The following CSMD2 variants were observed in gnomAD, a reference collection of about 807,000 sequenced individuals.
CSMD2 encodes the protein CUB and sushi domain-containing protein 2.
In CSMD2, 130 loss-of-function variants were observed where a neutral mutation model predicts 398.5. The observed-to-expected ratio is 0.33, with a 90% CI of 0.28 to 0.38. The LOEUF is 0.38. CSMD2 is among the 10% of genes least tolerant of loss of function. CSMD2 has a pLI of 1.00. For missense variants in CSMD2, 3,829 were observed against 4,764.9 expected, an observed-to-expected ratio of 0.80 and a Z score of 5.78; for synonymous variants, 1,828 against 1,908.5, an observed-to-expected ratio of 0.96 and a Z score of 1.10.
At chr1:33,673,843 T>A (rs767818642) in intron 25 of CSMD2, among the ~76,000 whole-genome samples, 44 of 152,192 alleles carry the variant, frequency 2.9e-4, no homozygotes, top group Non-Finnish European at 5.0e-4. Flanking sequence ...AACCCAGAAT[T>A]TCATATCCAG....
chr1:34,037,049 T>C (rs1404199789), intron 2 of CSMD2, among the ~76,000 whole-genome samples: 1 of 152,166 alleles, frequency 6.6e-6, no homozygotes, highest in East Asian at 1.9e-4. Context: ...CTACCTGCCT[T>C]GTGGCTACCC....
intron 6 of CSMD2, among the ~76,000 whole-genome samples, chr1:33,826,029 C>T (rs1237797837): frequency 6.6e-6 from 1 of 152,202 alleles, no homozygotes; most frequent in East Asian, 1.9e-4. Flanking sequence ...CTCTGAGAGG[C>T]TCTGGGACTC....
chr1:33,906,662 A>G (rs181286467), intron 5 of CSMD2, among the ~76,000 whole-genome samples: 1 of 152,356 alleles, frequency 6.6e-6, no homozygotes, highest in African/African-American at 2.4e-5. Flanking sequence ...TTATGGGTCA[A>G]TTATGAGCAA....
At chr1:33,831,022 A>T (rs1659486224) in intron 6 of CSMD2, among the ~76,000 whole-genome samples, 1 of 152,210 alleles carries the variant, frequency 6.6e-6, no homozygotes, top group South Asian at 2.1e-4. Flanking sequence ...GAAAAGACCA[A>T]ATCTACGTCT....
intron 1 of CSMD2, among the ~76,000 whole-genome samples, chr1:34,134,926 C>CAGTG (rs1482587019): frequency 1.3e-5 from 2 of 152,160 alleles, no homozygotes; most frequent in Non-Finnish European, 2.9e-5. Flanking sequence ...AAGGATGGAG[C>CAGTG]AGTGGTTCCT....
intron 44 of CSMD2, among the ~76,000 whole-genome samples, chr1:33,592,655 A>G (rs1309275420): frequency 6.6e-6 from 1 of 152,168 alleles, no homozygotes; most frequent in African/African-American, 2.4e-5. Flanking sequence ...ATCACTTTAA[A>G]AATTATCATG....
At chr1:34,008,195 C>G (rs1321112373) in intron 3 of CSMD2, among the ~76,000 whole-genome samples, 1 of 152,196 alleles carries the variant, frequency 6.6e-6, no homozygotes, top group Non-Finnish European at 1.5e-5. Context: ...GTTTACCACC[C>G]ATCTCCCCAC....
intron 3 of CSMD2, among the ~76,000 whole-genome samples, chr1:34,009,600 C>T (rs138088343): frequency 2.0e-5 from 3 of 152,118 alleles, no homozygotes; most frequent in African/African-American, 7.2e-5. Context: ...GACTCCCTCG[C>T]TAACCACTGC....
intron 43 of CSMD2, 42 bp downstream of exon 43, chr1:33,602,327 A>C (rs1640279912): frequency 1.9e-6 from 3 of 1,605,622 alleles, no homozygotes; most frequent in Non-Finnish European, 2.6e-6. Context: ...AACCCCAGTA[A>C]TGCTCCTTTC....
At chr1:33,695,790 T>C (rs1645402688) in intron 24 of CSMD2, among the ~76,000 whole-genome samples, 1 of 152,236 alleles carries the variant, frequency 6.6e-6, no homozygotes, top group Non-Finnish European at 1.5e-5. Flanking sequence ...TTGGCCTCCG[T>C]GAACTCTTTG....
chr1:34,012,903 G>C (rs1398544148), intron 3 of CSMD2, among the ~76,000 whole-genome samples: 1 of 152,160 alleles, frequency 6.6e-6, no homozygotes, highest in Non-Finnish European at 1.5e-5. Context: ...GGGCACAAAG[G>C]GGATACATTT....
chr1:33,523,264 G>A (rs1444346758), intron 67 of CSMD2, 43 bp downstream of exon 67: 2 of 958,868 alleles, frequency 2.1e-6, no homozygotes, highest in East Asian at 4.8e-5. Context: ...TTCCCTGCCA[G>A]TGATCTGGGA....
rs775469054 is a variant in CSMD2 at position 33,788,614 on chromosome 1, T to C, written c.1649A>G (p.Lys550Arg). The C allele has an allele frequency of 1.2e-6, 2 of 1,609,002 alleles. No individual in the cohort carries two copies. Among genetic ancestry groups the C allele is most frequent in the South Asian group, 2.2e-5 (2 of 90,970 alleles). ...TDGSGSSLGF[K>R]ASYEEIEQGS... ...AAAGCAGTTACCTTCATAAGAAGCC[T>C]TGAATCCCAGGGAACTGCCACTGCC... Residue 550 changes from lysine (K) to arginine (R), a missense_variant, in exon 12 of 71, where the codon AAG (lysine) becomes AGG (arginine). Lys to Arg is a conservative substitution (Grantham distance 26). Coordinates refer to ENST00000373381, the MANE Select transcript of CSMD2 (RefSeq NM_001281956.2).
intron 5 of CSMD2, among the ~76,000 whole-genome samples, chr1:33,850,467 T>C (rs1052413185): frequency 6.6e-6 from 1 of 152,194 alleles, no homozygotes; most frequent in African/African-American, 2.4e-5. Flanking sequence ...AGCCACTGCA[T>C]TACACTCACA....
At chr1:33,878,767 T>C (rs1641026544) in intron 5 of CSMD2, among the ~76,000 whole-genome samples, 1 of 152,190 alleles carries the variant, frequency 6.6e-6, no homozygotes, top group South Asian at 2.1e-4. Flanking sequence ...AAAGATACTA[T>C]TGAGATATGA....
intron 2 of CSMD2, among the ~76,000 whole-genome samples, chr1:34,051,502 C>T (rs1266637847): frequency 1.3e-5 from 2 of 152,016 alleles, no homozygotes; most frequent in Non-Finnish European, 2.9e-5. Context: ...AATATACACA[C>T]ATACATATAT....
chr1:33,604,970 T>C (rs1210698231), intron 42 of CSMD2, among the ~76,000 whole-genome samples: 1 of 152,196 alleles, frequency 6.6e-6, no homozygotes, highest in Non-Finnish European at 1.5e-5. Context: ...CTCCCTCACA[T>C]GGAGCCTTCC....
intron 3 of CSMD2, among the ~76,000 whole-genome samples, chr1:33,962,271 TC>T (rs1469013870): frequency 2.0e-5 from 3 of 152,030 alleles, no homozygotes; most frequent in Non-Finnish European, 2.9e-5. Context: ...CTGAAAGCGG[TC>T]CCTGGGGAGG....
Position 33,820,536 on chromosome 1 carries a change from G to T in CSMD2, c.1132C>A (p.Gln378Lys). ...GGGTCTGGACACATATTATGTCCTT[G>T]GGACACACCAACCTGAGTTACTACA... ...TSVLTQVGVS[Q>K]GHNMCPDPGI... The change falls in exon 8 of 71, where the codon CAA becomes AAA. Residue 378 changes from glutamine (Q) to lysine (K), a missense_variant. Gln to Lys is a moderately conservative substitution (Grantham distance 53, BLOSUM62 1). Around this residue, in one of 5 missense-constraint regions of CSMD2, gnomAD observed 2,001 missense variants for 2,567.1 expected, o/e 0.78. Transcript: ENST00000373381. The T allele has an allele frequency of 7.0e-7, 1 of 1,418,530 alleles. No homozygotes were observed. Among genetic ancestry groups the T allele is most frequent in the East Asian group, 2.4e-5 (1 of 41,338 alleles). The allele number at this position is 1,418,530 out of a possible 1,614,324, so 87.9% of individuals were successfully genotyped here.
Sources: allele counts gnomAD v4.1 joint callset (sites outside exome capture counted in the v4.1 genomes callset), GRCh38; gene constraint gnomAD v4.1.1; regional missense constraint gnomAD v4.1.1; transcripts MANE v1.5; gene names NCBI Gene and HGNC (gene_info 2026-07-23, HGNC 2026-07-21).